The following NAV1 variants were observed in gnomAD, a reference collection of about 807,000 sequenced individuals.
The protein encoded by NAV1 is neuron navigator 1, also known as pore membrane and/or filament interacting like protein 3.
Under a neutral mutation model 175.2 loss-of-function variants are expected in NAV1, and 18 were observed. That is an observed-to-expected ratio of 0.10 (90% CI 0.07 to 0.15). NAV1 has a LOEUF of 0.15. NAV1 is among the 10% of genes least tolerant of loss of function. The pLI is 1.00. For missense variants in NAV1, 1,731 were observed against 2,436.6 expected, an observed-to-expected ratio of 0.71 and a Z score of 6.10; for synonymous variants, 897 against 978.7, an observed-to-expected ratio of 0.92 and a Z score of 1.56.
At chr1:201,806,433 T>G (rs75527160) in intron 17 of NAV1, among the ~76,000 whole-genome samples, 79 of 152,260 alleles carry the variant, frequency 5.2e-4, no homozygotes, top group East Asian at 3.9e-3. Context: ...CTCGGAACAG[T>G]TCTGGCTTTG....
chr1:201,790,175 T>C (rs556654603), intron 11 of NAV1, among the ~76,000 whole-genome samples: 3 of 152,344 alleles, frequency 2.0e-5, no homozygotes, highest in Admixed American at 2.0e-4. Context: ...AAGTGTTTAT[T>C]GTGGGGCACC....
intron 1 of NAV1, among the ~76,000 whole-genome samples, chr1:201,701,587 C>G (rs114017039): frequency 0.019 from 2,872 of 152,234 alleles, 94 homozygotes; most frequent in African/African-American, 0.066. Context: ...TGCAACCCAA[C>G]AACTGAATTT....
intron 2 of NAV1, among the ~76,000 whole-genome samples, chr1:201,639,241 T>G (rs987953706): frequency 1.3e-5 from 2 of 152,186 alleles, no homozygotes; most frequent in Non-Finnish European, 2.9e-5. Flanking sequence ...GCTTGAGTAC[T>G]GCGTGTTGGC....
chr1:201,584,079 A>ATATG (rs1297488560), intron 1 of NAV1, among the ~76,000 whole-genome samples: 2 of 152,262 alleles, frequency 1.3e-5, no homozygotes, highest in African/African-American at 4.8e-5. Flanking sequence ...GAAGGACACT[A>ATATG]GCATTTATGG....
intron 7 of NAV1, among the ~76,000 whole-genome samples, chr1:201,785,019 T>C (rs750743693): frequency 2.0e-5 from 3 of 152,132 alleles, no homozygotes; most frequent in African/African-American, 2.4e-5. Context: ...CCACCCGCCT[T>C]GGCCTGCCAA....
At chr1:201,727,776 C>T (rs184527094) in intron 3 of NAV1, among the ~76,000 whole-genome samples, 13 of 152,138 alleles carry the variant, frequency 8.5e-5, no homozygotes, top group Non-Finnish European at 1.6e-4. Flanking sequence ...TAGGAGATGA[C>T]GTGGAATACA....
intron 3 of NAV1, among the ~76,000 whole-genome samples, chr1:201,726,000 G>C (rs1277861359): frequency 1.3e-5 from 2 of 152,108 alleles, no homozygotes; most frequent in Non-Finnish European, 2.9e-5. Context: ...AGAAAGGTAG[G>C]GTACTTATTG....
intron 1 of NAV1, among the ~76,000 whole-genome samples, chr1:201,687,351 C>T (rs557287588): frequency 6.6e-6 from 1 of 152,346 alleles, no homozygotes; most frequent in South Asian, 2.1e-4. Context: ...CAGCCTCCCA[C>T]CTCCTTTCCT....
intron 1 of NAV1, among the ~76,000 whole-genome samples, chr1:201,570,150 A>T (rs1165778116): frequency 6.6e-6 from 1 of 152,206 alleles, no homozygotes; most frequent in Non-Finnish European, 1.5e-5. Context: ...AAACAAAAAA[A>T]TCAGAGCAGG....
upstream of NAV1, among the ~76,000 whole-genome samples, chr1:201,618,352 G>A (rs377505693): frequency 7.2e-5 from 11 of 152,246 alleles, no homozygotes; most frequent in African/African-American, 2.6e-4. Flanking sequence ...CAGTACCACC[G>A]AAGGCAAACA....
intron 2 of NAV1, among the ~76,000 whole-genome samples, chr1:201,593,563 C>T (rs1386578165): frequency 6.6e-6 from 1 of 152,156 alleles, no homozygotes. Context: ...ATGTTGGTGG[C>T]CTTTCTCTTT....
At chr1:201,687,091 G>C (rs76444315) in intron 1 of NAV1, among the ~76,000 whole-genome samples, 2,444 of 152,280 alleles carry the variant, frequency 0.016, 65 homozygotes, top group African/African-American at 0.056. Context: ...CGGTATTTAG[G>C]AAGGTCTCCT....
chr1:201,580,780 A>T (rs1021942121), intron 1 of NAV1, among the ~76,000 whole-genome samples: 6 of 152,184 alleles, frequency 3.9e-5, no homozygotes, highest in African/African-American at 1.4e-4. Context: ...AAAAAAGAAA[A>T]AAAAAAGAAT....
intron 3 of NAV1, among the ~76,000 whole-genome samples, chr1:201,762,603 T>G (rs982329539): frequency 3.3e-5 from 5 of 152,252 alleles, no homozygotes; most frequent in African/African-American, 1.2e-4. Context: ...ATGGCTGCTT[T>G]TGTGCTACAA....
Position 201,782,164 on chromosome 1 carries a change from G to A in NAV1, c.1664-12G>A, listed in dbSNP as rs376777305. The A allele has an allele frequency of 1.1e-4, 176 of 1,560,502 alleles. 1 individual carries two copies. The highest frequency in any genetic ancestry group is 1.3e-4 in the Non-Finnish European group (147 of 1,155,420). ...AGTTTCAGCTCTTTTCTCATTTCCC[G>A]TCCTCTTGCAGGCAAACCTGAGGGC... On this transcript the variant is annotated splice_polypyrimidine_tract_variant and intron_variant, in intron 5 of 29. Transcript: ENST00000367296. This position sits in a 1 kb window ranked among gnomAD's most constrained non-coding sequence, Gnocchi z 5.4.
At chr1:201,744,415 G>T (rs73088420) in intron 3 of NAV1, among the ~76,000 whole-genome samples, 2,103 of 152,046 alleles carry the variant, frequency 0.014, 56 homozygotes, top group African/African-American at 0.049. Context: ...GGGTACTGGC[G>T]ATAGAATAGT....
chr1:201,684,475 C>CTTTTTTTTTTTTTTTT (rs71138346), intron 1 of NAV1, among the ~76,000 whole-genome samples: 1 of 127,874 alleles, frequency 7.8e-6, no homozygotes, highest in Non-Finnish European at 1.6e-5. Flanking sequence ...TTTATGCAGC[C>CTTTTTTTTTTTTTTTT]TTTTTTTTTT....
At chr1:201,548,882 A>G (rs983328833) in intron 1 of NAV1, among the ~76,000 whole-genome samples, 1 of 152,246 alleles carries the variant, frequency 6.6e-6, no homozygotes, top group African/African-American at 2.4e-5. Flanking sequence ...AGTTATTAGT[A>G]TGTTATCTAG....
intron 2 of NAV1, among the ~76,000 whole-genome samples, chr1:201,607,082 C>G (rs982097569): frequency 8.0e-5 from 12 of 150,870 alleles, no homozygotes; most frequent in Non-Finnish European, 1.6e-4. Context: ...ACCTCAATGG[C>G]TAGTGGTGGT....
Sources: gnomAD v4.1 joint callset for allele counts (sites outside exome capture counted in the v4.1 genomes callset) on GRCh38, gnomAD v4.1.1 for gene constraint, Gnocchi (gnomAD v3.1) non-coding constraint, MANE v1.5 for transcripts, NCBI Gene and HGNC (gene_info 2026-07-23, HGNC 2026-07-21) for gene names.